The following SRPK2 variants were observed in gnomAD, a reference collection of about 807,000 sequenced individuals.
The protein encoded by SRPK2 is SFRS protein kinase 2.
A neutral mutation model predicts 90.8 loss-of-function variants in SRPK2; 21 were observed. The observed-to-expected ratio is 0.23, with a 90% CI of 0.16 to 0.33. The LOEUF (loss-of-function observed/expected upper bound fraction) is 0.33, where lower values mean the gene tolerates loss of function less well. SRPK2 is among the 10% of genes least tolerant of loss of function. The pLI is 1.00. For synonymous variants in SRPK2, 288 were observed against 311.1 expected (o/e 0.93, Z 0.78); for missense variants, 620 against 869.0 (o/e 0.71, Z 3.60).
rs185245499 is a variant in SRPK2 at position 105,135,057 on chromosome 7, T to C, written c.1544-1953A>G. Among the ~76,000 whole-genome samples the C allele has an allele frequency of 3.0e-4, 46 of 152,114 alleles. No individual in the cohort carries two copies. The East Asian group carries it at 5.0e-3, about 17-fold the overall frequency. ...TGGGGCTGAGAACAGAGGTCCAGGA[T>C]AAATATAAAAATGCTGACCCAATGG... On this transcript the variant is annotated intron_variant, in intron 11 of 15. Coordinates refer to ENST00000393651, the MANE Select transcript of SRPK2 (RefSeq NM_182692.3).
chr7:105,374,063 G>T (rs923037734), intron 2 of SRPK2, among the ~76,000 whole-genome samples: 2 of 152,078 alleles, frequency 1.3e-5, no homozygotes, highest in Non-Finnish European at 2.9e-5. Context: ...AAGTAGCTGG[G>T]ATTATGGCAC....
intron 1 of SRPK2, among the ~76,000 whole-genome samples, chr7:105,397,031 C>A (rs1346042098): frequency 6.6e-6 from 1 of 151,710 alleles, no homozygotes; most frequent in African/African-American, 2.4e-5. Context: ...TATTTTGTTT[C>A]TTTGAGATAG....
rs1052695124 is a variant in SRPK2 at position 105,143,061 on chromosome 7, C to A, written c.1060+23G>T. ...ATGGAGCTCTGAGAACCCCATGCAGCCCAGGTTCCAGGCCCCACTGACCAT... is the reference window on the plus strand; with the variant it reads ...ATGGAGCTCTGAGAACCCCATGCAGACCAGGTTCCAGGCCCCACTGACCAT... On this transcript the variant is annotated intron_variant, in intron 10 of 15. Coordinates refer to ENST00000393651, the MANE Select transcript of SRPK2 (RefSeq NM_182692.3). 7 of 1,607,534 alleles carry A rather than the reference C, an allele frequency of 4.4e-6. 1 individual carries two copies. In the Admixed American group the frequency reaches 1.2e-4, roughly 27 times the overall value.
At chr7:105,247,517 C>CACACACACAA (rs1801837188) in intron 2 of SRPK2, among the ~76,000 whole-genome samples, 1 of 115,874 alleles carries the variant, frequency 8.6e-6, no homozygotes, top group Non-Finnish European at 1.8e-5. Context: ...TACCAAAAAA[C>CACACACACAA]ACACACACAC....
chr7:105,381,154 G>A (rs184053896), intron 2 of SRPK2, among the ~76,000 whole-genome samples: 40 of 152,010 alleles, frequency 2.6e-4, no homozygotes, highest in African/African-American at 9.2e-4. Flanking sequence ...TGAGGCATGA[G>A]GAGCGCCTGA....
At chr7:105,195,706 C>G (rs752243476) in intron 3 of SRPK2, among the ~76,000 whole-genome samples, 2 of 152,190 alleles carry the variant, frequency 1.3e-5, no homozygotes, top group Non-Finnish European at 2.9e-5. Flanking sequence ...TTTATAACAT[C>G]TTTTCTGAGT....
chr7:105,292,485 G>C (rs1002209663), intron 2 of SRPK2, among the ~76,000 whole-genome samples: 1 of 105,040 alleles, frequency 9.5e-6, no homozygotes, highest in African/African-American at 3.8e-5. Flanking sequence ...CTGGGCGATA[G>C]AGTAAGACTC....
intron 3 of SRPK2, among the ~76,000 whole-genome samples, chr7:105,202,329 G>A (rs1360225751): frequency 6.6e-6 from 1 of 151,972 alleles, no homozygotes; most frequent in Non-Finnish European, 1.5e-5. Flanking sequence ...ATTCATTAAT[G>A]CTTTATGTTC....
chr7:105,348,884 C>A (rs939765471), intron 2 of SRPK2, among the ~76,000 whole-genome samples: 38 of 151,926 alleles, frequency 2.5e-4, no homozygotes, highest in Non-Finnish European at 4.3e-4. Context: ...CAGTGGCTCA[C>A]GCCGTAATCC....
At chr7:105,235,023 C>T (rs1799951121) in intron 2 of SRPK2, among the ~76,000 whole-genome samples, 1 of 152,168 alleles carries the variant, frequency 6.6e-6, no homozygotes, top group South Asian at 2.1e-4. Context: ...TTAAGCTCAT[C>T]AGCTATCGTT....
chr7:105,328,600 C>G (rs1197002934), intron 2 of SRPK2, among the ~76,000 whole-genome samples: 1 of 149,676 alleles, frequency 6.7e-6, no homozygotes, highest in African/African-American at 2.5e-5. Flanking sequence ...CGCAGTGGCT[C>G]ACACCTGTAA....
At chr7:105,256,456 A>G (rs1050277183) in intron 2 of SRPK2, among the ~76,000 whole-genome samples, 1 of 152,210 alleles carries the variant, frequency 6.6e-6, no homozygotes, top group Non-Finnish European at 1.5e-5. Context: ...CCCAGGCTCA[A>G]GAGATCCTCT....
chr7:105,231,096 A>C (rs1799371458), intron 2 of SRPK2, among the ~76,000 whole-genome samples: 1 of 152,134 alleles, frequency 6.6e-6, no homozygotes, highest in African/African-American at 2.4e-5. Flanking sequence ...CTCCCTCGCC[A>C]AGTAGACCCC....
At chr7:105,212,816 A>G (rs1585198015) in intron 2 of SRPK2, among the ~76,000 whole-genome samples, 2 of 152,232 alleles carry the variant, frequency 1.3e-5, no homozygotes, top group South Asian at 2.1e-4. Context: ...CTCTGTATCC[A>G]TGCATTCCGC....
intron 2 of SRPK2, among the ~76,000 whole-genome samples, chr7:105,376,276 C>T (rs563957385): frequency 2.6e-5 from 4 of 151,756 alleles, no homozygotes; most frequent in Non-Finnish European, 4.4e-5. Context: ...GGATTACAGG[C>T]ACAAATCACC....
chr7:105,301,693 C>G (rs1187568850), intron 2 of SRPK2: 1 of 1,611,336 alleles, frequency 6.2e-7, no homozygotes, highest in Non-Finnish European at 8.5e-7. Context: ...TCCCCAAACA[C>G]CTCCAATTCT....
At chr7:105,362,105 A>C (rs558257400) in intron 2 of SRPK2, among the ~76,000 whole-genome samples, 111 of 152,328 alleles carry the variant, frequency 7.3e-4, no homozygotes, top group African/African-American at 2.5e-3. Context: ...CAGAATCTAC[A>C]AAGAACTTAA....
chr7:105,313,418 G>A (rs912767278), intron 2 of SRPK2, among the ~76,000 whole-genome samples: 3 of 139,320 alleles, frequency 2.2e-5, no homozygotes, highest in Non-Finnish European at 3.0e-5. Context: ...CTGCACTCCC[G>A]CCTGGGCAAC....
intron 2 of SRPK2, among the ~76,000 whole-genome samples, chr7:105,262,852 G>A (rs541693254): frequency 6.6e-6 from 1 of 151,998 alleles, no homozygotes; most frequent in East Asian, 1.9e-4. Context: ...GTAAGAGAAG[G>A]AAAAAAATAT....
Sources: allele counts gnomAD v4.1 joint callset (sites outside exome capture counted in the v4.1 genomes callset), GRCh38; gene constraint gnomAD v4.1.1; transcripts MANE v1.5; gene names NCBI Gene and HGNC (gene_info 2026-07-23, HGNC 2026-07-21).